PRRX1: variants seen among roughly 807,000 people sequenced by gnomAD.
PRRX1 encodes the protein paired mesoderm homeobox protein 1.
Under a neutral mutation model 24.0 loss-of-function variants are expected in PRRX1, and 8 were observed. That is an observed-to-expected ratio of 0.33 (90% CI 0.20 to 0.60). PRRX1 has a LOEUF of 0.60. Among genes scored for constraint, PRRX1 ranks in the 20% least tolerant of loss-of-function variants. The pLI is 0.82. For synonymous variants in PRRX1, 160 were observed against 131.7 expected (o/e 1.22, Z -1.47); for missense variants, 281 against 322.4 (o/e 0.87, Z 0.98).
intron 1 of PRRX1, among the ~76,000 whole-genome samples, chr1:170,696,224 C>T (rs1184500086): frequency 6.6e-6 from 1 of 152,160 alleles, no homozygotes; most frequent in Non-Finnish European, 1.5e-5. Context: ...TATTTGTAAA[C>T]CCTGTGGGTG....
rs192712732 is a variant in PRRX1 at position 170,711,896 on chromosome 1, G to T, written c.242-7830G>T. On this transcript the variant is annotated intron_variant, in intron 1 of 3. Transcript: ENST00000239461. ...GAACTCACTCTTTTCCCAGAACTTT[G>T]GTTTCTTCTTATCCTTTTGGAATTT... Among the ~76,000 whole-genome samples, 574 of 152,154 alleles carry T rather than the reference G, an allele frequency of 3.8e-3. 2 individuals carry two copies. The highest frequency in any genetic ancestry group is 0.014 in the Middle Eastern group (4 of 294).
chr1:170,666,417 C>CAAAAAAAAAAAAA (rs35075394), intron 1 of PRRX1, among the ~76,000 whole-genome samples: 1 of 75,940 alleles, frequency 1.3e-5, no homozygotes, highest in African/African-American at 5.2e-5. Context: ...GACTCCGTCT[C>CAAAAAAAAAAAAA]AAAAAAAAAA....
intron 3 of PRRX1, 179 bp downstream of exon 3, chr1:170,726,580 G>C: frequency 1.4e-6 from 1 of 724,914 alleles, no homozygotes; most frequent in Non-Finnish European, 2.2e-6. Flanking sequence ...CCAGCAGCAG[G>C]GTTTGGGGCA....
chr1:170,731,406 C>G (rs968556324), intron 3 of PRRX1, among the ~76,000 whole-genome samples: 4 of 152,152 alleles, frequency 2.6e-5, no homozygotes, highest in African/African-American at 9.7e-5. Context: ...TTGTAAACAT[C>G]TTGTCATCAT....
chr1:170,730,075 A>G (rs1208370921), intron 3 of PRRX1: 2 of 651,586 alleles, frequency 3.1e-6, no homozygotes, highest in Non-Finnish European at 5.6e-6. Context: ...CTGGTTTTGC[A>G]TTATTTACCT....
chr1:170,737,232 TACAC>T lies in PRRX1; in HGVS notation c.*1049_*1052del, dbSNP rs1655643121. 6 of 177,642 alleles carry T rather than the reference TACAC, an allele frequency of 3.4e-5. No individual in the cohort carries two copies. The East Asian group carries it at 5.7e-4, about 17-fold the overall frequency. The allele number at this position is 177,642 out of a possible 1,614,324, so 11.0% of individuals were successfully genotyped here. A position where few individuals can be genotyped will look rare whatever the true frequency, so the allele number is the denominator to read the frequency against. On this transcript the variant is annotated 3_prime_UTR_variant, in exon 4 of 4. Transcript: ENST00000239461. Reference sequence around the variant, plus strand: ...TTCCCAAACAATACAAAAAGCAAATTACACACCCTCACCACTGTTCTTATCTCTA... The same window carrying T: ...TTCCCAAACAATACAAAAAGCAAATTACCCTCACCACTGTTCTTATCTCTA...
chr1:170,700,181 T>C (rs1483019538), intron 1 of PRRX1, among the ~76,000 whole-genome samples: 1 of 152,154 alleles, frequency 6.6e-6, no homozygotes, highest in African/African-American at 2.4e-5. Flanking sequence ...AAGTTATTTT[T>C]TTGTGTGAAT....
At chr1:170,691,597 TA>T (rs1653983258) in intron 1 of PRRX1, among the ~76,000 whole-genome samples, 1 of 151,430 alleles carries the variant, frequency 6.6e-6, no homozygotes, top group African/African-American at 2.4e-5. Context: ...TAGTTCTTTT[TA>T]ATATTTTTGT....
At chr1:170,695,493 G>A (rs1654137207) in intron 1 of PRRX1, among the ~76,000 whole-genome samples, 1 of 152,162 alleles carries the variant, frequency 6.6e-6, no homozygotes, top group African/African-American at 2.4e-5. Flanking sequence ...AGGAGTAATT[G>A]TCCAGGGGTA....
chr1:170,664,810 G>T (rs985982795), intron 1 of PRRX1, among the ~76,000 whole-genome samples: 1 of 152,242 alleles, frequency 6.6e-6, no homozygotes, highest in Non-Finnish European at 1.5e-5. Flanking sequence ...GCTGGGAAAA[G>T]GTCTTAGCGG....
At chr1:170,675,695 G>A (rs1653299044) in intron 1 of PRRX1, among the ~76,000 whole-genome samples, 1 of 151,952 alleles carries the variant, frequency 6.6e-6, no homozygotes, top group Non-Finnish European at 1.5e-5. Context: ...TAATTTCAGG[G>A]AAACAACATA....
intron 1 of PRRX1, among the ~76,000 whole-genome samples, chr1:170,714,316 G>A (rs1190733149): frequency 6.6e-6 from 1 of 152,168 alleles, no homozygotes; most frequent in Admixed American, 6.5e-5. Flanking sequence ...AAAGTAAGTA[G>A]CTGTTGTGCA....
rs569905418 is a variant in PRRX1, at chr1:170,703,211, T to C, written c.242-16515T>C. On this transcript the variant is annotated intron_variant, in intron 1 of 3. Coordinates refer to ENST00000239461, the MANE Select transcript of PRRX1 (RefSeq NM_022716.4). Reference sequence around the variant, plus strand: ...TCTTAATAGTTTATAGGAAGAAAATTTTATAACCTCTGAATTCTTTCAGGA... The same window carrying C: ...TCTTAATAGTTTATAGGAAGAAAATCTTATAACCTCTGAATTCTTTCAGGA... Among the ~76,000 whole-genome samples, 5 of 152,352 alleles carry C rather than the reference T, an allele frequency of 3.3e-5. No individual in the cohort carries two copies. The South Asian group carries it at 1.0e-3, about 32-fold the overall frequency.
At chr1:170,663,197 G>A (rs577134319), upstream of PRRX1, 4 of 152,322 alleles carry the variant, frequency 2.6e-5, no homozygotes, top group South Asian at 2.1e-4. Flanking sequence ...GGAGGAAGAA[G>A]GAGATTGTGA....
intron 1 of PRRX1, among the ~76,000 whole-genome samples, chr1:170,718,431 C>T (rs1654972649): frequency 6.6e-6 from 1 of 152,162 alleles, no homozygotes. Flanking sequence ...AGGTAGGTGT[C>T]ATCATGACTT....
At chr1:170,694,074 T>C (rs907262521) in intron 1 of PRRX1, among the ~76,000 whole-genome samples, 5 of 152,088 alleles carry the variant, frequency 3.3e-5, no homozygotes, top group African/African-American at 1.2e-4. Context: ...TATTACCACA[T>C]ACTTTGGTTT....
Position 170,736,500 on chromosome 1 carries a change from A to C in PRRX1, c.*314A>C. On this transcript the variant is annotated 3_prime_UTR_variant, in exon 4 of 4. Coordinates refer to ENST00000239461, the MANE Select transcript of PRRX1 (RefSeq NM_022716.4). ...AGCTAGGTTCAGCCCACCCACCCCC[A>C]TGATTGTATGAAGTTTTAAAAAAAA... The C allele has an allele frequency of 2.6e-6, 1 of 386,098 alleles. No individual in the cohort carries two copies. Among genetic ancestry groups the C allele is most frequent in the Non-Finnish European group, 4.9e-6 (1 of 206,148 alleles). The allele number at this position is 386,098 out of a possible 1,614,324, so 23.9% of individuals were successfully genotyped here. A position where few individuals can be genotyped will look rare whatever the true frequency, so the allele number is the denominator to read the frequency against.
chr1:170,670,371 C>T (rs1025586471), intron 1 of PRRX1, among the ~76,000 whole-genome samples: 7 of 152,136 alleles, frequency 4.6e-5, no homozygotes, highest in African/African-American at 1.4e-4. Context: ...TCTCAAACAG[C>T]AATAATAATG....
chr1:170,678,018 C>T (rs669998), intron 1 of PRRX1, among the ~76,000 whole-genome samples: 3,374 of 152,258 alleles, frequency 0.022, 137 homozygotes, highest in African/African-American at 0.076. Context: ...TCCTATAGTG[C>T]CTCTAACATA....
Sources: allele counts gnomAD v4.1 joint callset (sites outside exome capture counted in the v4.1 genomes callset), GRCh38; gene constraint gnomAD v4.1.1; transcripts MANE v1.5; gene names NCBI Gene and HGNC (gene_info 2026-07-23, HGNC 2026-07-21).